Variants in TANC2 observed in about 807,000 individuals in gnomAD.
TANC2 encodes tetratricopeptide repeat, ankyrin repeat and coiled-coil containing 2.
A neutral mutation model predicts 210.5 loss-of-function variants in TANC2; 26 were observed. The ratio of observed to expected loss-of-function variants is 0.12; its 90% CI spans 0.09 to 0.17. TANC2 has a LOEUF of 0.17. TANC2 is among the 10% of genes least tolerant of loss of function. The pLI, the probability that TANC2 is intolerant of heterozygous loss-of-function variation, is 1.00. For synonymous variants in TANC2, 931 were observed against 967.1 expected (o/e 0.96, Z 0.69); for missense variants, 2,129 against 2,608.9 (o/e 0.82, Z 4.01).
At position 63,420,169 on chromosome 17, in the gene TANC2, A is replaced by T; in HGVS notation, c.4439A>T (p.Glu1480Val). The change falls in exon 28 of 28, where the codon GAA becomes GTA. Residue 1480 changes from glutamate to valine, a missense_variant. By Grantham distance (121) the Glu-to-Val change is moderately radical. Transcript: ENST00000689528. This position sits in a 1 kb window ranked among gnomAD's most constrained non-coding sequence, Gnocchi z 4.2. The stretch of plus-strand genomic sequence containing the variant: ...CAGCAGCAGTTGCCGGAAGAAGCAG[A>T]ACCTGAGCCACAGCATGAAGACATA... The T allele has an allele frequency of 6.4e-7, 1 of 1,571,378 alleles. No homozygotes were observed. Among genetic ancestry groups the T allele is most frequent in the Non-Finnish European group, 8.6e-7 (1 of 1,157,626 alleles).
At chr17:63,355,289 C>A (rs763282728) in exon 14 of TANC2, 3 of 1,613,204 alleles carry the variant, frequency 1.9e-6, no homozygotes, top group South Asian at 1.1e-5. Flanking sequence ...TGTTCCTAAT[C>A]AAGCGCAGAG....
intron 3 of TANC2, among the ~76,000 whole-genome samples, chr17:63,096,851 G>T (rs1202846336): frequency 6.6e-6 from 1 of 152,090 alleles, no homozygotes; most frequent in Non-Finnish European, 1.5e-5. Flanking sequence ...AGAAGTGTAT[G>T]AAGATTTTAA....
In TANC2 at chr17:63,233,402, C is replaced by T. The variant is rs572729630; in HGVS notation, c.770-4412C>T. Among the ~76,000 whole-genome samples, 6 of 152,298 alleles carry T rather than the reference C, an allele frequency of 3.9e-5. 1 individual carries two copies. Among genetic ancestry groups the T allele is most frequent in the South Asian group, 4.1e-4 (2 of 4,830 alleles). Reference sequence around the variant, plus strand: ...GGGTTGCACAGATCCATGGAAAAACCGTGGATCGTGGATTCTTGGGCAGGG... The same window carrying T: ...GGGTTGCACAGATCCATGGAAAAACTGTGGATCGTGGATTCTTGGGCAGGG... On this transcript the variant is annotated intron_variant, in intron 7 of 27. Coordinates refer to ENST00000689528, the Ensembl canonical transcript of TANC2.
At chr17:63,361,005 G>A (rs796085765) in intron 14 of TANC2, among the ~76,000 whole-genome samples, 15 of 152,250 alleles carry the variant, frequency 9.9e-5, no homozygotes, top group South Asian at 8.3e-4. Context: ...ATAATACTCC[G>A]TTGTGTATAT....
intron 14 of TANC2, among the ~76,000 whole-genome samples, chr17:63,356,123 C>T (rs1056542570): frequency 6.6e-6 from 1 of 151,748 alleles, no homozygotes; most frequent in Non-Finnish European, 1.5e-5. Context: ...ACTGATTTAC[C>T]CCAGCACTCT....
chr17:63,011,485 T>TA (rs2033871587), intron 2 of TANC2, among the ~76,000 whole-genome samples: 1 of 152,126 alleles, frequency 6.6e-6, no homozygotes, highest in African/African-American at 2.4e-5. Flanking sequence ...TATCCTTACT[T>TA]AAAAAATTAT....
At chr17:63,069,608 T>A (rs2036324127) in intron 2 of TANC2, among the ~76,000 whole-genome samples, 2 of 152,232 alleles carry the variant, frequency 1.3e-5, no homozygotes, top group Admixed American at 1.3e-4. Flanking sequence ...GCCCACATAC[T>A]GACTTTTTGT....
intron 2 of TANC2, among the ~76,000 whole-genome samples, chr17:63,055,578 T>G (rs2035740200): frequency 6.6e-6 from 1 of 152,006 alleles, no homozygotes; most frequent in Non-Finnish European, 1.5e-5. Context: ...GTAAGTTCTA[T>G]CATCATGTAC....
rs116526633 is a variant in TANC2 at position 63,135,629 on chromosome 17, C to T, written c.323-15641C>T. On this transcript the variant is annotated intron_variant, in intron 4 of 27. Coordinates refer to ENST00000689528, the Ensembl canonical transcript of TANC2. ...TAGGATTTCTGGTAAATTTTATTTACACCATTTTCTCTTATATATTTTATT... is the reference window on the plus strand; with the variant it reads ...TAGGATTTCTGGTAAATTTTATTTATACCATTTTCTCTTATATATTTTATT... 8.5e-3 allele frequency among the ~76,000 whole-genome samples: 1,293 copies of T among 152,136 alleles called. 16 individuals are homozygous for T. Among genetic ancestry groups the T allele is most frequent in the African/African-American group, 0.029 (1,184 of 41,504 alleles).
Position 63,421,037 on chromosome 17 carries a change from C to T in TANC2, c.5307C>T (p.Ala1769=). 1 of 1,614,018 alleles carries T rather than the reference C, an allele frequency of 6.2e-7. No individual in the cohort carries two copies. The highest frequency in any genetic ancestry group is 8.5e-7 in the Non-Finnish European group (1 of 1,179,892). ...TCCAAGCCAGCCTGAGTGCAGGCGC[C>T]ATCTGTCAGCATGGAGGATTGACCA... is the stretch of plus-strand genomic sequence containing the variant. The change falls in exon 28 of 28, where the codon GCC becomes GCT. Residue 1769 remains alanine (A), a synonymous_variant. Transcript: ENST00000689528. This position sits in a 1 kb window ranked among gnomAD's most constrained non-coding sequence, Gnocchi z 6.9.
intron 1 of TANC2, among the ~76,000 whole-genome samples, chr17:62,999,727 G>A (rs2033284088): frequency 6.6e-6 from 1 of 151,944 alleles, no homozygotes; most frequent in Admixed American, 6.6e-5. Flanking sequence ...CCAAAAGATT[G>A]GACATCCCTG....
At chr17:63,204,076 C>T (rs1178235411) in intron 7 of TANC2, among the ~76,000 whole-genome samples, 1 of 152,042 alleles carries the variant, frequency 6.6e-6, no homozygotes, top group Non-Finnish European at 1.5e-5. Flanking sequence ...TACATAAATG[C>T]ACATCGGTGT....
intron 8 of TANC2, among the ~76,000 whole-genome samples, chr17:63,266,954 A>G (rs920010370): frequency 3.9e-5 from 6 of 152,150 alleles, no homozygotes; most frequent in African/African-American, 9.6e-5. Context: ...GCCTCAATCA[A>G]TCCTCCCATC....
rs1461254711 is a variant in TANC2, at chr17:63,102,629, T to TC, written c.322+3278dup. 3.1e-5 allele frequency among the ~76,000 whole-genome samples: 4 copies of TC among 129,666 alleles called. No homozygotes were observed. In the East Asian group the frequency reaches 1.1e-3, roughly 34 times the overall value. The allele number at this position is 129,666 out of a possible 152,430, so 85.1% of individuals were successfully genotyped here. ...AATGCTATCCCTCCCCCCTCCTCCC[T>TC]CCCCCCACCTCTGGACACAGGAAGG... On this transcript the variant is annotated intron_variant, in intron 4 of 27. Transcript: ENST00000689528.
chr17:62,969,155 A>G (rs1296354966), intron 1 of TANC2, among the ~76,000 whole-genome samples: 1 of 152,166 alleles, frequency 6.6e-6, no homozygotes, highest in Non-Finnish European at 1.5e-5. Context: ...TACTAGTAGT[A>G]ACAGCTCACA....
At chr17:63,280,414 T>A (rs1243151556) in intron 9 of TANC2, among the ~76,000 whole-genome samples, 1 of 152,048 alleles carries the variant, frequency 6.6e-6, no homozygotes, top group Non-Finnish European at 1.5e-5. Context: ...ACTCTCTATA[T>A]AGAATAGACT....
At chr17:62,993,939 T>A (rs1168553206) in intron 1 of TANC2, among the ~76,000 whole-genome samples, 1 of 151,892 alleles carries the variant, frequency 6.6e-6, no homozygotes, top group Non-Finnish European at 1.5e-5. Context: ...AAAAAAAAAA[T>A]ACAACTGATT....
intron 1 of TANC2, among the ~76,000 whole-genome samples, chr17:62,985,244 T>C (rs1195746803): frequency 6.6e-6 from 1 of 152,212 alleles, no homozygotes; most frequent in East Asian, 1.9e-4. Context: ...AGAAATCTAC[T>C]CTACTAAGAC....
intron 2 of TANC2, among the ~76,000 whole-genome samples, chr17:63,035,250 A>G (rs1316144230): frequency 1.3e-5 from 2 of 152,228 alleles, no homozygotes; most frequent in Non-Finnish European, 2.9e-5. Flanking sequence ...GCAAGAGAAT[A>G]TTTTTAAATG....
Sources: allele counts gnomAD v4.1 joint callset (sites outside exome capture counted in the v4.1 genomes callset), GRCh38; gene constraint gnomAD v4.1.1; non-coding constraint Gnocchi (gnomAD v3.1); transcripts MANE v1.5; gene names NCBI Gene and HGNC (gene_info 2026-07-23, HGNC 2026-07-21).